Variants in OCA2 observed in about 807,000 individuals in gnomAD.
The protein encoded by OCA2 is P protein.
A neutral mutation model predicts 100.2 loss-of-function variants in OCA2; 77 were observed. The observed-to-expected ratio is 0.77, with a 90% confidence interval of 0.64 to 0.93. OCA2 has a LOEUF of 0.93. Among genes scored for constraint, OCA2 ranks in the 40% least tolerant of loss-of-function variants. OCA2 has a pLI of 0.00. For missense variants in OCA2, 1,062 were observed against 1,089.1 expected (o/e 0.98, Z 0.35); for synonymous variants, 432 against 439.2 (o/e 0.98, Z 0.21).
At chr15:28,096,714 C>T (rs2044990931) in intron 1 of OCA2, among the ~76,000 whole-genome samples, 2 of 152,222 alleles carry the variant, frequency 1.3e-5, no homozygotes, top group South Asian at 4.1e-4. Context: ...AACATCGTGG[C>T]TTTCCATCCG....
In OCA2 at chr15:27,926,001, T is replaced by C. The variant is rs2594928; in HGVS notation, c.2079+126A>G. On this transcript the variant is annotated intron_variant, in intron 19 of 23. Coordinates refer to ENST00000354638, the MANE Select transcript of OCA2 (RefSeq NM_000275.3). ...ACTTAAAATAGTCCAATTACAACCT[T>C]CATTGTTTTCCACTTAGAGAATATA... 708,281 of 1,136,138 alleles carry C rather than the reference T, an allele frequency of 0.62. 226,245 individuals carry two copies. Among genetic ancestry groups the C allele is most frequent in the East Asian group, 0.97 (39,231 of 40,426 alleles). The allele number at this position is 1,136,138 out of a possible 1,614,324, so 70.4% of individuals were successfully genotyped here. A position where few individuals can be genotyped will look rare whatever the true frequency, so the allele number is the denominator to read the frequency against.
At chr15:28,090,368 T>C (rs1165114400) in intron 1 of OCA2, among the ~76,000 whole-genome samples, 1 of 152,232 alleles carries the variant, frequency 6.6e-6, no homozygotes, top group African/African-American at 2.4e-5. Context: ...TCAATATTTA[T>C]GGAACACTCC....
intron 18 of OCA2, among the ~76,000 whole-genome samples, chr15:27,937,142 C>A (rs2039484844): frequency 6.6e-6 from 1 of 152,160 alleles, no homozygotes; most frequent in African/African-American, 2.4e-5. Context: ...AGTAAATGTG[C>A]CTGTTTCTGA....
intron 23 of OCA2, among the ~76,000 whole-genome samples, chr15:27,781,139 T>G (rs2032518900): frequency 6.6e-6 from 1 of 152,166 alleles, no homozygotes; most frequent in Non-Finnish European, 1.5e-5. Context: ...GTGCCTATGG[T>G]TCATTGTCCT....
chr15:28,020,850 G>A (rs2042571481), intron 6 of OCA2, among the ~76,000 whole-genome samples: 1 of 152,158 alleles, frequency 6.6e-6, no homozygotes, highest in Non-Finnish European at 1.5e-5. Flanking sequence ...TGACCAGTGT[G>A]CCCCCGGCTC....
In OCA2 at chr15:27,804,438, G is replaced by A. The variant is rs1034164123; in HGVS notation, c.2432+40521C>T. 1.1e-4 allele frequency among the ~76,000 whole-genome samples: 16 copies of A among 152,260 alleles called. No homozygotes were observed. The East Asian group carries it at 2.3e-3, about 22-fold the overall frequency. On this transcript the variant is annotated intron_variant, in intron 23 of 23. Transcript: ENST00000354638. The stretch of plus-strand genomic sequence containing the variant: ...TCTTGAAACTCAAAGGAAAAAAGTT[G>A]CCCAGTTTGTGAAGTAGAAAGACAG...
At chr15:27,747,749 T>TAA in the OCA2 span, among the ~76,000 whole-genome samples, 1 of 151,898 alleles carries the variant, frequency 6.6e-6, no homozygotes, top group Non-Finnish European at 1.5e-5. Context: ...TAATATCTAT[T>TAA]AAAAAAAATG....
At chr15:27,768,044 C>T (rs1403803231) in intron 23 of OCA2, among the ~76,000 whole-genome samples, 1 of 152,154 alleles carries the variant, frequency 6.6e-6, no homozygotes, top group Non-Finnish European at 1.5e-5. Flanking sequence ...GCCCGGCTTC[C>T]AGCTGAAAGC....
intron 19 of OCA2, among the ~76,000 whole-genome samples, chr15:27,882,965 AG>A (rs2037080660): frequency 6.6e-6 from 1 of 152,214 alleles, no homozygotes; most frequent in South Asian, 2.1e-4. Context: ...GCCAGTCATC[AG>A]TCAGTCCTCT....
In OCA2 at chr15:27,874,552, T is replaced by A. The variant is rs915405321; in HGVS notation, c.2080-2630A>T. Among the ~76,000 whole-genome samples the A allele has an allele frequency of 3.9e-5, 6 of 152,098 alleles. No individual in the cohort carries two copies. In the South Asian group the frequency reaches 1.2e-3, roughly 32 times the overall value. On this transcript the variant is annotated intron_variant, in intron 19 of 23. Transcript: ENST00000354638. ...CAGGGACACAAGAAGACAAGCAGCA[T>A]GAATGAGAGCAGAAACAACCAAAAC...
intron 1 of OCA2, among the ~76,000 whole-genome samples, chr15:28,085,803 C>T (rs1479133801): frequency 1.3e-5 from 2 of 152,160 alleles, no homozygotes; most frequent in African/African-American, 4.8e-5. Context: ...TTTCCCTGTT[C>T]TTCCTGCTAA....
chr15:27,849,339 C>G (rs1426402286), intron 22 of OCA2, among the ~76,000 whole-genome samples: 1 of 152,220 alleles, frequency 6.6e-6, no homozygotes, highest in Non-Finnish European at 1.5e-5. Flanking sequence ...GACTTCTTCA[C>G]TCTCCACGCT....
intron 23 of OCA2, among the ~76,000 whole-genome samples, chr15:27,807,323 C>T (rs1308144692): frequency 1.3e-5 from 2 of 152,166 alleles, no homozygotes; most frequent in Non-Finnish European, 2.9e-5. Flanking sequence ...TCTCAGACCA[C>T]AGGGCAGCTG....
At chr15:27,980,274 C>T (rs754122546) in intron 14 of OCA2, among the ~76,000 whole-genome samples, 4 of 151,976 alleles carry the variant, frequency 2.6e-5, no homozygotes, top group African/African-American at 7.3e-5. Flanking sequence ...ACTACAGGCA[C>T]CCAATACCAC....
chr15:27,902,921 G>A (rs532801057), intron 19 of OCA2, among the ~76,000 whole-genome samples: 4 of 152,362 alleles, frequency 2.6e-5, no homozygotes, highest in African/African-American at 9.6e-5. Context: ...ACCTGAGCAC[G>A]TGGGCGCTGG....
At chr15:28,027,086 T>C (rs2042772345) in intron 4 of OCA2, among the ~76,000 whole-genome samples, 1 of 152,208 alleles carries the variant, frequency 6.6e-6, no homozygotes, top group South Asian at 2.1e-4. Context: ...CTTTCAAACA[T>C]GTCCCTCTCA....
chr15:27,915,284 T>C (rs1190664519), intron 19 of OCA2, among the ~76,000 whole-genome samples: 2 of 152,044 alleles, frequency 1.3e-5, no homozygotes, highest in East Asian at 1.9e-4. Flanking sequence ...ACGTACCATT[T>C]TGGACACAGA....
intron 23 of OCA2, among the ~76,000 whole-genome samples, chr15:27,841,781 AT>A (rs139619828): frequency 0.042 from 6,400 of 152,350 alleles, 157 homozygotes; most frequent in South Asian, 0.061. Context: ...AAATGCAAAT[AT>A]TCAGTGTTTA....
chr15:27,848,725 C>G (rs1359144350), intron 22 of OCA2, among the ~76,000 whole-genome samples: 1 of 152,276 alleles, frequency 6.6e-6, no homozygotes, highest in Non-Finnish European at 1.5e-5. Flanking sequence ...CAATAGGCCA[C>G]ACTCTCAGAA....
Sources: allele counts gnomAD v4.1 joint callset (sites outside exome capture counted in the v4.1 genomes callset), GRCh38; gene constraint gnomAD v4.1.1; transcripts MANE v1.5; gene names NCBI Gene and HGNC (gene_info 2026-07-23, HGNC 2026-07-21).